MBNL2: variants seen among roughly 807,000 people sequenced by gnomAD.
MBNL2 encodes muscleblind-like protein 2.
In MBNL2, 17 loss-of-function variants were observed where a neutral mutation model predicts 41.9. The ratio of observed to expected loss-of-function variants is 0.41; its 90% CI spans 0.28 to 0.61. The LOEUF (loss-of-function observed/expected upper bound fraction) is 0.61. Ranked by LOEUF, MBNL2 falls within the 20% of genes least tolerant of loss-of-function variation. The pLI is 0.35. For missense variants in MBNL2, 336 were observed against 505.6 expected (o/e 0.66, Z 3.22); for synonymous variants, 195 against 182.9 (o/e 1.07, Z -0.53).
chr13:97,170,925 T>C, the MBNL2 span, among the ~76,000 whole-genome samples: 1 of 152,208 alleles, frequency 6.6e-6, no homozygotes, highest in Admixed American at 6.5e-5. Context: ...CCCAAAGCTA[T>C]CTTGGCAGAT....
At chr13:97,142,572 C>T in the MBNL2 span, among the ~76,000 whole-genome samples, 10 of 152,260 alleles carry the variant, frequency 6.6e-5, no homozygotes, top group African/African-American at 2.4e-4. Flanking sequence ...CCCACACTGG[C>T]CTCCTCGAAG....
chr13:97,202,252 G>A, the MBNL2 span, among the ~76,000 whole-genome samples: 1 of 152,082 alleles, frequency 6.6e-6, no homozygotes, highest in Non-Finnish European at 1.5e-5. Flanking sequence ...CATACATGAG[G>A]GCTTATTATA....
intron 2 of MBNL2, among the ~76,000 whole-genome samples, chr13:97,313,011 T>A (rs150687836): frequency 1.1e-3 from 169 of 152,282 alleles, no homozygotes; most frequent in African/African-American, 3.6e-3. Flanking sequence ...ACAACTTGCA[T>A]CCATTGGGGT....
rs148438761 is a variant in MBNL2, at chr13:97,302,521, T to G, written c.174+26112T>G. Among the ~76,000 whole-genome samples the G allele has an allele frequency of 1.2e-4, 19 of 152,324 alleles. No homozygotes were observed. In the East Asian group the frequency reaches 3.5e-3, roughly 28 times the overall value. On this transcript the variant is annotated intron_variant, in intron 2 of 8. Transcript: ENST00000679496. ...TGTGCCCAGCACAATGCCAATTTCTTTAAAAGTGTTCTTTCCCTTAATCCT... is the reference window on the plus strand; with the variant it reads ...TGTGCCCAGCACAATGCCAATTTCTGTAAAAGTGTTCTTTCCCTTAATCCT...
intron 1 of MBNL2, among the ~76,000 whole-genome samples, chr13:97,241,439 C>T (rs75527421): frequency 0.011 from 1,618 of 152,276 alleles, 26 homozygotes; most frequent in African/African-American, 0.037. Flanking sequence ...GTATGCTACT[C>T]TGAAATCTAA....
At chr13:97,361,951 T>C (rs986301510) in intron 7 of MBNL2, among the ~76,000 whole-genome samples, 5 of 151,716 alleles carry the variant, frequency 3.3e-5, no homozygotes, top group Non-Finnish European at 7.4e-5. Flanking sequence ...TTTTGTATTT[T>C]TCGTAGAGAC....
At chr13:97,179,948 A>G in the MBNL2 span, among the ~76,000 whole-genome samples, 11 of 152,232 alleles carry the variant, frequency 7.2e-5, no homozygotes, top group African/African-American at 2.7e-4. Flanking sequence ...AGAGCAATAG[A>G]AAACCGTTCA....
At chr13:97,260,011 A>G (rs1460633906) in intron 1 of MBNL2, among the ~76,000 whole-genome samples, 1 of 152,214 alleles carries the variant, frequency 6.6e-6, no homozygotes, top group African/African-American at 2.4e-5. Flanking sequence ...CAGACATTAC[A>G]GTCTGGTTGA....
intron 1 of MBNL2, among the ~76,000 whole-genome samples, chr13:97,228,729 C>T (rs2042001663): frequency 6.6e-6 from 1 of 151,704 alleles, no homozygotes; most frequent in Non-Finnish European, 1.5e-5. Flanking sequence ...AGGGTTTCAC[C>T]ATATTGGCCA....
intron 1 of MBNL2, among the ~76,000 whole-genome samples, chr13:97,238,519 A>G (rs1160873082): frequency 6.6e-6 from 1 of 152,210 alleles, no homozygotes; most frequent in Non-Finnish European, 1.5e-5. Context: ...ATGGTGGCAG[A>G]TCCTAAAGAA....
the MBNL2 span, among the ~76,000 whole-genome samples, chr13:97,156,849 T>C: frequency 5.3e-5 from 8 of 152,210 alleles, no homozygotes; most frequent in African/African-American, 1.9e-4. Flanking sequence ...AGCTTTGTTC[T>C]TTTGGCTTAG....
At chr13:97,183,413 T>G in the MBNL2 span, among the ~76,000 whole-genome samples, 1 of 152,198 alleles carries the variant, frequency 6.6e-6, no homozygotes, top group African/African-American at 2.4e-5. Context: ...ACTCATAAAA[T>G]GTCTTCCCCT....
chr13:97,327,320 A>ACATCCCTGGTGT (rs2059981501), intron 2 of MBNL2, among the ~76,000 whole-genome samples: 1 of 152,118 alleles, frequency 6.6e-6, no homozygotes, highest in South Asian at 2.1e-4. Flanking sequence ...TTGCCAACAT[A>ACATCCCTGGTGT]CATCCCTGGT....
the MBNL2 span, among the ~76,000 whole-genome samples, chr13:97,211,423 A>G: frequency 6.6e-6 from 1 of 152,316 alleles, no homozygotes; most frequent in South Asian, 2.1e-4. Context: ...TAGAAAAAGC[A>G]CAATTCTCAT....
chr13:97,338,923 C>T (rs1480078324), intron 3 of MBNL2, among the ~76,000 whole-genome samples: 2 of 152,142 alleles, frequency 1.3e-5, no homozygotes, highest in Non-Finnish European at 1.5e-5. Flanking sequence ...CATGAAATAC[C>T]TCGGGCCACT....
chr13:97,391,556 A>C lies in MBNL2; in HGVS notation c.*107A>C. ...TGCTTAGTATATTCCAACCTAAGAT[A>C]GTTAACTACCTGAGACCAGCTGTGA... On this transcript the variant is annotated 3_prime_UTR_variant, in exon 9 of 9. Transcript: ENST00000679496. 1 of 693,874 alleles carries C rather than the reference A, an allele frequency of 1.4e-6. No homozygotes were observed. The highest frequency in any genetic ancestry group is 2.6e-6 in the Non-Finnish European group (1 of 391,274). The allele number at this position is 693,874 out of a possible 1,614,324, so 43.0% of individuals were successfully genotyped here. A position where few individuals can be genotyped will look rare whatever the true frequency, so the allele number is the denominator to read the frequency against.
chr13:97,145,259 A>C, the MBNL2 span, among the ~76,000 whole-genome samples: 1 of 152,184 alleles, frequency 6.6e-6, no homozygotes. Context: ...GTGTTATTGC[A>C]CTGTAACCTG....
At chr13:97,300,036 G>T (rs976989570) in intron 2 of MBNL2, among the ~76,000 whole-genome samples, 1 of 152,106 alleles carries the variant, frequency 6.6e-6, no homozygotes, top group Non-Finnish European at 1.5e-5. Flanking sequence ...AGGCTCTAGG[G>T]CCTTAGAATT....
In MBNL2 at chr13:97,391,518, A is replaced by T; in HGVS notation, c.*69A>T. On this transcript the variant is annotated 3_prime_UTR_variant, in exon 9 of 9. Transcript: ENST00000679496. ...TAGTGCTGCTATCTCATATATGAGT[A>T]TTAAATATGGTATGCTTAGTATATT... The T allele has an allele frequency of 1.3e-6, 1 of 773,554 alleles. No homozygotes were observed. Among genetic ancestry groups the T allele is most frequent in the Non-Finnish European group, 2.3e-6 (1 of 427,324 alleles). 47.9% of individuals were successfully genotyped at this position (773,554 alleles called of 1,614,324 possible).
Sources: allele counts gnomAD v4.1 joint callset (sites outside exome capture counted in the v4.1 genomes callset), GRCh38; gene constraint gnomAD v4.1.1; transcripts MANE v1.5; gene names NCBI Gene and HGNC (gene_info 2026-07-23, HGNC 2026-07-21).